ZBBX: variants seen among roughly 807,000 people sequenced by gnomAD.
The protein encoded by ZBBX is zinc finger B-box domain containing, also known as zinc finger B-box domain-containing protein 1.
In ZBBX, 101 loss-of-function variants were observed where a neutral mutation model predicts 108.5. The observed-to-expected ratio is 0.93, with a 90% CI of 0.79 to 1.10. The LOEUF (loss-of-function observed/expected upper bound fraction) is 1.10, where lower values mean the gene tolerates loss of function less well. Ranked by LOEUF, ZBBX falls within the 50% of genes least tolerant of loss-of-function variation. The pLI, the probability that ZBBX is intolerant of heterozygous loss-of-function variation, is 0.00. For missense variants in ZBBX, 1,009 were observed against 941.4 expected, an observed-to-expected ratio of 1.07 and a Z score of -0.94; for synonymous variants, 356 against 323.4, an observed-to-expected ratio of 1.10 and a Z score of -1.08.
chr3:167,203,916 CTAAG>C, the ZBBX span, among the ~76,000 whole-genome samples: 1 of 152,134 alleles, frequency 6.6e-6, no homozygotes, highest in Admixed American at 6.6e-5. Flanking sequence ...AGAACACAGA[CTAAG>C]TCTTATTCAT....
chr3:167,387,615 A>T (rs1166822622), intron 1 of ZBBX, among the ~76,000 whole-genome samples: 1 of 152,040 alleles, frequency 6.6e-6, no homozygotes, highest in Non-Finnish European at 1.5e-5. Context: ...TTACTGAAAC[A>T]TACAAGGGAC....
chr3:167,370,443 A>G (rs1368500206), intron 4 of ZBBX, among the ~76,000 whole-genome samples: 3 of 152,300 alleles, frequency 2.0e-5, no homozygotes, highest in Non-Finnish European at 4.4e-5. Context: ...GTAACAGTTT[A>G]TCTCCATGCT....
At chr3:167,296,592 C>A (rs996459759) in intron 18 of ZBBX, among the ~76,000 whole-genome samples, 1 of 151,702 alleles carries the variant, frequency 6.6e-6, no homozygotes, top group South Asian at 2.1e-4. Flanking sequence ...AATGAACAAT[C>A]GGAAAAGGAA....
At chr3:167,210,249 T>C in the ZBBX span, among the ~76,000 whole-genome samples, 1 of 151,858 alleles carries the variant, frequency 6.6e-6, no homozygotes, top group Non-Finnish European at 1.5e-5. Context: ...AGTTGAAAAA[T>C]GCAATTGACA....
chr3:167,249,007 T>C (rs1313737004), intron 20 of ZBBX, among the ~76,000 whole-genome samples: 4 of 152,212 alleles, frequency 2.6e-5, no homozygotes, highest in South Asian at 2.1e-4. Context: ...GAGGGACACC[T>C]CTATTCACTG....
chr3:167,192,627 T>G, the ZBBX span, among the ~76,000 whole-genome samples: 2,030 of 152,276 alleles, frequency 0.013, 22 homozygotes, highest in South Asian at 0.026. Flanking sequence ...ATTTTTGAGG[T>G]CATTTTCTCT....
chr3:167,291,006 G>GA (rs1349057861), intron 18 of ZBBX, among the ~76,000 whole-genome samples: 1 of 152,156 alleles, frequency 6.6e-6, no homozygotes, highest in Non-Finnish European at 1.5e-5. Flanking sequence ...CAAGGTTAGA[G>GA]AAAAAAGAGT....
chr3:167,274,282 T>TTC (rs1305307734), intron 20 of ZBBX, among the ~76,000 whole-genome samples: 1 of 152,168 alleles, frequency 6.6e-6, no homozygotes, highest in Non-Finnish European at 1.5e-5. Context: ...CAATCTTCAC[T>TTC]TCTCTTGCAG....
At chr3:167,368,412 T>TTA in intron 5 of ZBBX, 49 bp downstream of exon 5, 1 of 1,304,130 alleles carries the variant, frequency 7.7e-7, no homozygotes, top group Non-Finnish European at 1.1e-6. Context: ...AAATAGTTCT[T>TTA]TATATAATTT....
At chr3:167,402,195 G>C (rs534659164) in intron 1 of ZBBX, among the ~76,000 whole-genome samples, 1 of 152,166 alleles carries the variant, frequency 6.6e-6, no homozygotes, top group African/African-American at 2.4e-5. Context: ...TGAAATTGAA[G>C]TAAGAACTGA....
chr3:167,188,325 T>G, the ZBBX span, among the ~76,000 whole-genome samples: 1 of 152,278 alleles, frequency 6.6e-6, no homozygotes, highest in African/African-American at 2.4e-5. Flanking sequence ...AAATATGTAT[T>G]TTTAAAGAAT....
chr3:167,300,765 C>A (rs1172264909), intron 17 of ZBBX, among the ~76,000 whole-genome samples: 2 of 151,810 alleles, frequency 1.3e-5, no homozygotes, highest in African/African-American at 4.8e-5. Flanking sequence ...TTACAGGCAC[C>A]TGCCACCACG....
At chr3:167,304,457 A>T (rs187483143) in intron 17 of ZBBX, among the ~76,000 whole-genome samples, 2 of 152,290 alleles carry the variant, frequency 1.3e-5, no homozygotes, top group African/African-American at 2.4e-5. Flanking sequence ...AGATAAGCCC[A>T]TCTGAAGTGG....
At chr3:167,235,392 CTT>C (rs1179532684), downstream of ZBBX, among the ~76,000 whole-genome samples, 1 of 151,428 alleles carries the variant, frequency 6.6e-6, no homozygotes, top group African/African-American at 2.4e-5. Flanking sequence ...GTTTAAAAGA[CTT>C]ATTTCATATT....
At chr3:167,307,062 T>C (rs1733774466) in intron 16 of ZBBX, among the ~76,000 whole-genome samples, 1 of 152,124 alleles carries the variant, frequency 6.6e-6, no homozygotes, top group South Asian at 2.1e-4. Flanking sequence ...AGAAAAGGCT[T>C]TCGACAAAAT....
rs1456238729 is a variant in ZBBX, at chr3:167,305,683, C to G, written c.1685G>C (p.Arg562Thr). The G allele has an allele frequency of 6.9e-6, 11 of 1,601,756 alleles. No homozygotes were observed. The highest frequency in any genetic ancestry group is 9.4e-6 in the Non-Finnish European group (11 of 1,176,174). Reference sequence around the variant, plus strand: ...AGTTTTTGATTCTTCAAAGCTTGGCCTCTTATACAGATTGCTCAATTCCAA... The same window carrying G: ...AGTTTTTGATTCTTCAAAGCTTGGCGTCTTATACAGATTGCTCAATTCCAA... The part of the protein sequence containing the change: ...ESLELSNLYK[R>T]PSFEESKTTK... Residue 562 changes from arginine (R) to threonine (T), a missense_variant, in exon 17 of 22, where the codon AGG (arginine) becomes ACG (threonine). Transcript: ENST00000675490.
intron 10 of ZBBX, among the ~76,000 whole-genome samples, chr3:167,328,860 C>T (rs1737880851): frequency 6.6e-6 from 1 of 152,338 alleles, no homozygotes; most frequent in Non-Finnish European, 1.5e-5. Flanking sequence ...AATAGGCCCC[C>T]TTTCCCCCAT....
rs116578053 is a variant in ZBBX, at chr3:167,348,963, G to A, written c.528+1457C>T. Among the ~76,000 whole-genome samples, 1,043 of 152,038 alleles carry A rather than the reference G, an allele frequency of 6.9e-3. 8 individuals are homozygous for A. Among genetic ancestry groups the A allele is most frequent in the African/African-American group, 0.022 (923 of 41,522 alleles). ...TTTCAGTAATTATTTGACTGGTGTC[G>A]TATCTGCATCTGGATCACAATAAGC... is the stretch of plus-strand genomic sequence containing the variant. On this transcript the variant is annotated intron_variant, in intron 9 of 21. Coordinates refer to ENST00000675490, the MANE Select transcript of ZBBX (RefSeq NM_001199201.2).
intron 20 of ZBBX, chr3:167,252,110 A>G: frequency 7.8e-7 from 1 of 1,277,358 alleles, no homozygotes; most frequent in Non-Finnish European, 1.0e-6. Context: ...TTTGAATCAA[A>G]GGAGAAACTG....
Sources: gnomAD v4.1 joint callset for allele counts (sites outside exome capture counted in the v4.1 genomes callset) on GRCh38, gnomAD v4.1.1 for gene constraint, MANE v1.5 for transcripts, NCBI Gene and HGNC (gene_info 2026-07-23, HGNC 2026-07-21) for gene names.